Variants in PTPRN2 observed in about 807,000 individuals in gnomAD.
PTPRN2 encodes protein tyrosine phosphatase receptor type N2.
A neutral mutation model predicts 118.8 loss-of-function variants in PTPRN2; 74 were observed. The observed-to-expected ratio is 0.62, with a 90% CI of 0.52 to 0.76. The LOEUF (loss-of-function observed/expected upper bound fraction) is 0.76. Ranked by LOEUF, PTPRN2 falls within the 30% of genes least tolerant of loss-of-function variation. The pLI, the probability that PTPRN2 is intolerant of heterozygous loss-of-function variation, is 0.00. For missense variants in PTPRN2, 1,481 were observed against 1,394.4 expected (o/e 1.06, Z -0.99); for synonymous variants, 641 against 608.0 (o/e 1.05, Z -0.80).
At chr7:158,011,511 G>A (rs995220666) in intron 11 of PTPRN2, among the ~76,000 whole-genome samples, 2 of 152,182 alleles carry the variant, frequency 1.3e-5, no homozygotes, top group East Asian at 1.9e-4. Flanking sequence ...CATCGTCACC[G>A]ACGATCACCA....
intron 6 of PTPRN2, 75 bp downstream of exon 6, chr7:158,166,856 T>C (rs1585712920): frequency 7.2e-7 from 1 of 1,383,650 alleles, no homozygotes. Context: ...GGGAAGAGCA[T>C]GGTGCGTCTG....
chr7:158,315,549 G>A (rs547797916), intron 3 of PTPRN2, among the ~76,000 whole-genome samples: 1 of 151,124 alleles, frequency 6.6e-6, no homozygotes, highest in African/African-American at 2.4e-5. Flanking sequence ...GGTGAACCCG[G>A]GACCCCTGAA....
intron 1 of PTPRN2, among the ~76,000 whole-genome samples, chr7:158,534,557 C>T (rs1260019214): frequency 1.3e-5 from 2 of 152,150 alleles, no homozygotes; most frequent in African/African-American, 4.8e-5. Flanking sequence ...CGACTCTGCC[C>T]CAACTGCTGC....
Position 158,133,795 on chromosome 7 carries a change from G to T in PTPRN2, c.1438C>A (p.Pro480Thr), listed in dbSNP as rs1359849746. Residue 480 changes from proline (P) to threonine (T), a missense_variant, in exon 9 of 23, where the codon CCC becomes ACC. By Grantham distance (38) the Pro-to-Thr change is conservative. Transcript: ENST00000389418. ...FGELQNQMPG[P>T]SKEEQSLPAG... Reference sequence around the variant, plus strand: ...GGAAGGCTCTGCTCCTCCTTCGAGGGCCCAGGCATCTGGTTTTGGAGCTCC... The same window carrying T: ...GGAAGGCTCTGCTCCTCCTTCGAGGTCCCAGGCATCTGGTTTTGGAGCTCC... 3 of 1,613,980 alleles carry T rather than the reference G, an allele frequency of 1.9e-6. No individual in the cohort carries two copies. Among genetic ancestry groups the T allele is most frequent in the Non-Finnish European group, 2.5e-6 (3 of 1,180,038 alleles).
At chr7:157,656,033 G>A (rs981149082) in intron 14 of PTPRN2, among the ~76,000 whole-genome samples, 5 of 94,064 alleles carry the variant, frequency 5.3e-5, no homozygotes, top group Non-Finnish European at 1.2e-4. Context: ...AAACGGCAGC[G>A]CACATGGTAG....
intron 3 of PTPRN2, among the ~76,000 whole-genome samples, chr7:158,295,261 A>ATG (rs1457794204): frequency 1.4e-4 from 1 of 7,216 alleles, no homozygotes; most frequent in Non-Finnish European, 3.8e-4. Context: ...GCCACTTTCC[A>ATG]CGCGCATGGT....
intron 2 of PTPRN2, among the ~76,000 whole-genome samples, chr7:158,461,460 C>A (rs1257668403): frequency 6.7e-6 from 1 of 149,242 alleles, no homozygotes; most frequent in East Asian, 2.0e-4. Context: ...GGTGCCACTG[C>A]ACTCCAGCCT....
At chr7:158,414,573 C>T (rs1814486992) in intron 2 of PTPRN2, among the ~76,000 whole-genome samples, 1 of 152,218 alleles carries the variant, frequency 6.6e-6, no homozygotes, top group South Asian at 2.1e-4. Context: ...CTGAGAATTC[C>T]CATTAGGAAG....
chr7:158,455,326 C>A (rs112698142), intron 2 of PTPRN2, among the ~76,000 whole-genome samples: 1 of 124 alleles, frequency 8.1e-3, no homozygotes, highest in Non-Finnish European at 0.036. Context: ...GCCACGGCCA[C>A]CCATCGCTCT....
chr7:157,855,817 A>T (rs1584878878), intron 12 of PTPRN2: 1 of 152,226 alleles, frequency 6.6e-6, no homozygotes, highest in South Asian at 2.1e-4. Flanking sequence ...TCTATGATTT[A>T]ATGAACTTTC....
In PTPRN2 at chr7:158,471,713, A is replaced by C. The variant is rs561155944; in HGVS notation, c.163+18022T>G. ...AAAAAAACAAAAACAAACAAACAAA[A>C]AAAAAACCTTACTAACAAAATTGAT... On this transcript the variant is annotated intron_variant, in intron 2 of 22. Coordinates refer to ENST00000389418, the MANE Select transcript of PTPRN2 (RefSeq NM_002847.5). Among the ~76,000 whole-genome samples, 1,269 of 149,606 alleles carry C rather than the reference A, an allele frequency of 8.5e-3. 8 individuals are homozygous for C. Among genetic ancestry groups the C allele is most frequent in the Admixed American group, 0.033 (489 of 14,926 alleles).
At chr7:157,641,310 A>C (rs1307666708) in intron 14 of PTPRN2, among the ~76,000 whole-genome samples, 1 of 152,254 alleles carries the variant, frequency 6.6e-6, no homozygotes, top group African/African-American at 2.4e-5. Context: ...CTGCAACAAA[A>C]TACAACTCAG....
chr7:158,295,197 T>C (rs1186708465), intron 3 of PTPRN2, among the ~76,000 whole-genome samples: 2 of 110,474 alleles, frequency 1.8e-5, no homozygotes, highest in Non-Finnish European at 3.7e-5. Flanking sequence ...CCTGCCTTTC[T>C]GAGGGTCTAA....
chr7:157,879,721 G>A (rs1315071633), intron 12 of PTPRN2, among the ~76,000 whole-genome samples: 1 of 151,498 alleles, frequency 6.6e-6, no homozygotes, highest in African/African-American at 2.4e-5. Flanking sequence ...TGCCAGAAGC[G>A]ACATCTGATA....
intron 11 of PTPRN2, among the ~76,000 whole-genome samples, chr7:157,989,286 G>A (rs1397400424): frequency 6.6e-6 from 1 of 152,140 alleles, no homozygotes; most frequent in Admixed American, 6.5e-5. Context: ...AGGCGTGGTG[G>A]CGCATGCCTG....
intron 5 of PTPRN2, among the ~76,000 whole-genome samples, chr7:158,179,025 T>G (rs1440447890): frequency 6.6e-6 from 1 of 152,234 alleles, no homozygotes; most frequent in Non-Finnish European, 1.5e-5. Context: ...TACTCAGTAG[T>G]GAGATTGCTG....
chr7:157,884,732 G>T (rs572714974), intron 12 of PTPRN2, among the ~76,000 whole-genome samples: 1 of 152,310 alleles, frequency 6.6e-6, no homozygotes, highest in African/African-American at 2.4e-5. Context: ...GATCTCATGA[G>T]ACTCATTGAC....
At chr7:158,131,344 T>C (rs1294961523) in intron 9 of PTPRN2, among the ~76,000 whole-genome samples, 2 of 118,742 alleles carry the variant, frequency 1.7e-5, no homozygotes, top group African/African-American at 6.8e-5. Context: ...CACATGCACA[T>C]TTGCACAAAC....
intron 12 of PTPRN2, among the ~76,000 whole-genome samples, chr7:157,693,377 C>T (rs1024616187): frequency 6.6e-6 from 1 of 152,086 alleles, no homozygotes; most frequent in South Asian, 2.1e-4. Flanking sequence ...GCCCGACCTC[C>T]GCGGTGCTGG....
Sources: gnomAD v4.1 joint callset for allele counts (sites outside exome capture counted in the v4.1 genomes callset) on GRCh38, gnomAD v4.1.1 for gene constraint, MANE v1.5 for transcripts, NCBI Gene and HGNC (gene_info 2026-07-23, HGNC 2026-07-21) for gene names.